Variants in GALNT13 observed in about 807,000 individuals in gnomAD.
The protein encoded by GALNT13 is UDP-GalNAc:polypeptide N-acetylgalactosaminyltransferase 13.
A neutral mutation model predicts 64.2 loss-of-function variants in GALNT13; 28 were observed. That is an observed-to-expected ratio of 0.44 (90% CI 0.32 to 0.60). The LOEUF is 0.60. Among genes scored for constraint, GALNT13 ranks in the 20% least tolerant of loss-of-function variants. GALNT13 has a pLI of 0.05. For synonymous variants in GALNT13, 214 were observed against 224.6 expected (o/e 0.95, Z 0.42); for missense variants, 577 against 669.8 (o/e 0.86, Z 1.53).
At chr2:154,296,606 C>G (rs572247593) in intron 8 of GALNT13, among the ~76,000 whole-genome samples, 28 of 152,202 alleles carry the variant, frequency 1.8e-4, no homozygotes, top group South Asian at 1.5e-3. Flanking sequence ...TTCCTGGTCA[C>G]AGAATGAATG....
At chr2:154,082,692 T>C (rs771905908) in intron 3 of GALNT13, among the ~76,000 whole-genome samples, 4 of 151,704 alleles carry the variant, frequency 2.6e-5, no homozygotes, top group Non-Finnish European at 4.4e-5. Context: ...CCATTTTCCA[T>C]GGCCACCTCT....
chr2:153,362,748 C>A, the GALNT13 span, among the ~76,000 whole-genome samples: 1 of 152,130 alleles, frequency 6.6e-6, no homozygotes, highest in South Asian at 2.1e-4. Flanking sequence ...AAAACAAGTT[C>A]TTAGAGACCT....
At chr2:153,295,915 A>C in the GALNT13 span, among the ~76,000 whole-genome samples, 17 of 152,216 alleles carry the variant, frequency 1.1e-4, no homozygotes, top group African/African-American at 4.1e-4. Context: ...GACTTGGTAC[A>C]TCTGACTTTT....
chr2:153,667,622 A>G, the GALNT13 span, among the ~76,000 whole-genome samples: 25 of 152,344 alleles, frequency 1.6e-4, no homozygotes, highest in African/African-American at 5.5e-4. Flanking sequence ...AGGTCCTTAA[A>G]GGAGTGGTAA....
chr2:153,722,242 A>T, the GALNT13 span, among the ~76,000 whole-genome samples: 1 of 148,068 alleles, frequency 6.8e-6, no homozygotes, highest in South Asian at 2.2e-4. Context: ...AGAAATAAAG[A>T]TGTACTTTGA....
intron 3 of GALNT13, among the ~76,000 whole-genome samples, chr2:154,107,285 C>T (rs931566157): frequency 3.9e-5 from 6 of 152,024 alleles, no homozygotes; most frequent in African/African-American, 7.2e-5. Context: ...TTAACTAAAA[C>T]GCATTTGTTA....
Position 154,450,559 on chromosome 2 carries a change from G to A in GALNT13, c.*8G>A. The A allele has an allele frequency of 6.3e-7, 1 of 1,590,892 alleles. No homozygotes were observed. On this transcript the variant is annotated 3_prime_UTR_variant, in exon 13 of 13. Coordinates refer to ENST00000392825, the MANE Select transcript of GALNT13 (RefSeq NM_052917.4). ...ATGACCTTGGGCACATGAAGATCAT[G>A]TCCTCCAAGCCATGAAAGTGTCTAC...
chr2:153,248,051 G>A, the GALNT13 span, among the ~76,000 whole-genome samples: 30 of 152,276 alleles, frequency 2.0e-4, no homozygotes, highest in African/African-American at 6.3e-4. Context: ...AACAAGTTCT[G>A]AAATTCAGGC....
chr2:153,817,827 C>A, the GALNT13 span, among the ~76,000 whole-genome samples: 3 of 151,928 alleles, frequency 2.0e-5, no homozygotes, highest in South Asian at 6.2e-4. Flanking sequence ...AAATTTATAC[C>A]AACTGATTAA....
chr2:153,124,273 G>A, the GALNT13 span, among the ~76,000 whole-genome samples: 3 of 152,188 alleles, frequency 2.0e-5, no homozygotes, highest in Non-Finnish European at 4.4e-5. Context: ...GTATTCTTAT[G>A]AGATCCTGAG....
At chr2:153,386,679 C>T in the GALNT13 span, among the ~76,000 whole-genome samples, 1 of 152,064 alleles carries the variant, frequency 6.6e-6, no homozygotes, top group African/African-American at 2.4e-5. Context: ...TCACTGCTGA[C>T]AAGGCATGGG....
At chr2:154,353,569 T>C (rs1272388678) in intron 9 of GALNT13, among the ~76,000 whole-genome samples, 1 of 152,154 alleles carries the variant, frequency 6.6e-6, no homozygotes, top group African/African-American at 2.4e-5. Context: ...TATCTCCCCA[T>C]TTTCTCTCCT....
the GALNT13 span, among the ~76,000 whole-genome samples, chr2:153,304,890 T>A: frequency 1.3e-5 from 2 of 152,140 alleles, no homozygotes; most frequent in Non-Finnish European, 2.9e-5. Flanking sequence ...GGGCTGGAGA[T>A]AGAAGGCACA....
At chr2:153,522,755 C>T in the GALNT13 span, among the ~76,000 whole-genome samples, 26 of 152,134 alleles carry the variant, frequency 1.7e-4, 1 homozygote, top group African/African-American at 4.1e-4. Flanking sequence ...TTTTGGATAA[C>T]GGTGCTTTAA....
At chr2:153,751,364 G>GTT in the GALNT13 span, among the ~76,000 whole-genome samples, 4 of 146,884 alleles carry the variant, frequency 2.7e-5, no homozygotes, top group Admixed American at 6.8e-5. Context: ...GTTTTGTTTT[G>GTT]TTTTTTTTTT....
intron 2 of GALNT13, among the ~76,000 whole-genome samples, chr2:153,908,881 T>A (rs1688755697): frequency 6.6e-6 from 1 of 152,152 alleles, no homozygotes; most frequent in Admixed American, 6.6e-5. Flanking sequence ...TTTGGGCTCT[T>A]TTTTGGTTCC....
chr2:153,083,590 T>C, the GALNT13 span, among the ~76,000 whole-genome samples: 1 of 152,226 alleles, frequency 6.6e-6, no homozygotes, highest in Non-Finnish European at 1.5e-5. Context: ...TGGTATTATT[T>C]TTTTTTCATG....
intron 3 of GALNT13, among the ~76,000 whole-genome samples, chr2:153,967,908 G>A (rs1303073503): frequency 6.6e-6 from 1 of 152,062 alleles, no homozygotes; most frequent in African/African-American, 2.4e-5. Context: ...TCGGGAATTA[G>A]GCACTTCAGA....
the GALNT13 span, among the ~76,000 whole-genome samples, chr2:153,574,916 T>C: frequency 6.6e-6 from 1 of 152,130 alleles, no homozygotes; most frequent in African/African-American, 2.4e-5. Flanking sequence ...CTGTATGGTA[T>C]TGATGCTAGT....
Sources: allele counts gnomAD v4.1 joint callset (sites outside exome capture counted in the v4.1 genomes callset), GRCh38; gene constraint gnomAD v4.1.1; transcripts MANE v1.5; gene names NCBI Gene and HGNC (gene_info 2026-07-23, HGNC 2026-07-21).